The following CSMD1 variants were observed in gnomAD, a reference collection of about 807,000 sequenced individuals.
The protein encoded by CSMD1 is CUB and sushi domain-containing protein 1.
In CSMD1, 213 loss-of-function variants were observed where a neutral mutation model predicts 417.5. That is an observed-to-expected ratio of 0.51 (90% CI 0.46 to 0.57). The LOEUF (loss-of-function observed/expected upper bound fraction) is 0.57, where lower values mean the gene tolerates loss of function less well. Ranked by LOEUF, CSMD1 falls within the 20% of genes least tolerant of loss-of-function variation. The pLI is 0.00. For missense variants in CSMD1, 6,923 were observed against 4,529.7 expected, an observed-to-expected ratio of 1.53 and a Z score of -15.17; for synonymous variants, 2,862 against 1,736.8, an observed-to-expected ratio of 1.65 and a Z score of -16.11.
chr8:4,182,236 G>C (rs1164045847), intron 3 of CSMD1, among the ~76,000 whole-genome samples: 1 of 151,896 alleles, frequency 6.6e-6, no homozygotes, highest in African/African-American at 2.4e-5. Context: ...TGATACATAA[G>C]AAAAAAACGG....
chr8:3,893,828 C>A (rs1584924105), intron 5 of CSMD1, among the ~76,000 whole-genome samples: 1 of 152,088 alleles, frequency 6.6e-6, no homozygotes, highest in Non-Finnish European at 1.5e-5. Flanking sequence ...TTACCTGTTG[C>A]CAGACTGACC....
In CSMD1 at chr8:3,214,478, T is replaced by C; in HGVS notation, c.4867+19A>G. ...AAAGGAAAGTTGTATTTCTAGAAAA[T>C]ACCCAAGCGTGCACTCACCATTGCA... is the stretch of plus-strand genomic sequence containing the variant. On this transcript the variant is annotated intron_variant, in intron 30 of 69. Transcript: ENST00000635120. 2 of 1,512,658 alleles carry C rather than the reference T, an allele frequency of 1.3e-6. No individual in the cohort carries two copies. The highest frequency in any genetic ancestry group is 8.8e-7 in the Non-Finnish European group (1 of 1,130,552). 93.7% of individuals were successfully genotyped at this position (1,512,658 alleles called of 1,614,324 possible).
intron 5 of CSMD1, among the ~76,000 whole-genome samples, chr8:3,920,892 T>G (rs988071662): frequency 6.6e-6 from 1 of 152,126 alleles, no homozygotes; most frequent in African/African-American, 2.4e-5. Flanking sequence ...TGTTGAGAAT[T>G]TTTGCATCTA....
At chr8:3,326,985 T>A (rs1339438521) in intron 23 of CSMD1, among the ~76,000 whole-genome samples, 1 of 151,320 alleles carries the variant, frequency 6.6e-6, no homozygotes, top group Non-Finnish European at 1.5e-5. Context: ...AAGACCTGCC[T>A]GGGCAATAGA....
intron 3 of CSMD1, among the ~76,000 whole-genome samples, chr8:4,368,248 A>C (rs1452128621): frequency 1.3e-5 from 2 of 152,078 alleles, no homozygotes; most frequent in Non-Finnish European, 2.9e-5. Context: ...TACTGAGATG[A>C]TCTTGTGGCT....
chr8:4,066,681 C>G (rs901624645), intron 3 of CSMD1, among the ~76,000 whole-genome samples: 1 of 152,158 alleles, frequency 6.6e-6, no homozygotes, highest in Non-Finnish European at 1.5e-5. Context: ...CATTTCTATT[C>G]TATCCAACCT....
At chr8:4,368,129 T>C (rs183109097) in intron 3 of CSMD1, among the ~76,000 whole-genome samples, 12 of 152,264 alleles carry the variant, frequency 7.9e-5, no homozygotes, top group African/African-American at 2.9e-4. Context: ...TCATTCAGTA[T>C]GGTGTTCATA....
intron 3 of CSMD1, among the ~76,000 whole-genome samples, chr8:4,415,961 C>T (rs1323382429): frequency 6.6e-6 from 1 of 152,064 alleles, no homozygotes; most frequent in Admixed American, 6.6e-5. Flanking sequence ...CATGGGATCT[C>T]GGGAAACTAA....
At chr8:3,782,958 A>G (rs1799259905) in intron 5 of CSMD1, among the ~76,000 whole-genome samples, 1 of 152,190 alleles carries the variant, frequency 6.6e-6, no homozygotes, top group South Asian at 2.1e-4. Context: ...TCTAAACCAA[A>G]TTGTAGGTAC....
At chr8:4,140,618 T>G (rs999320351) in intron 3 of CSMD1, among the ~76,000 whole-genome samples, 1 of 150,890 alleles carries the variant, frequency 6.6e-6, no homozygotes, top group Non-Finnish European at 1.5e-5. Flanking sequence ...CAGTGAGCCA[T>G]GATTGCGCCA....
chr8:3,774,511 T>C (rs1428344954), intron 5 of CSMD1, among the ~76,000 whole-genome samples: 2 of 152,136 alleles, frequency 1.3e-5, no homozygotes, highest in African/African-American at 4.8e-5. Context: ...AATAGAAAGA[T>C]GCTGAATACA....
chr8:3,413,495 G>A (rs534928415), intron 12 of CSMD1, among the ~76,000 whole-genome samples: 1 of 152,188 alleles, frequency 6.6e-6, no homozygotes, highest in African/African-American at 2.4e-5. Context: ...GGGTTGACAA[G>A]TAACTGTCAA....
chr8:4,394,385 G>T (rs1055020827), intron 3 of CSMD1, among the ~76,000 whole-genome samples: 1 of 152,126 alleles, frequency 6.6e-6, no homozygotes, highest in African/African-American at 2.4e-5. Flanking sequence ...AGCTCCACTA[G>T]AAATGGTTTT....
intron 5 of CSMD1, among the ~76,000 whole-genome samples, chr8:3,867,101 G>C (rs140096725): frequency 2.0e-5 from 3 of 152,054 alleles, no homozygotes; most frequent in African/African-American, 4.8e-5. Flanking sequence ...TAACCATTTT[G>C]ATTGATTGAT....
At chr8:4,058,933 C>T (rs1798833610) in intron 3 of CSMD1, among the ~76,000 whole-genome samples, 1 of 151,966 alleles carries the variant, frequency 6.6e-6, no homozygotes, top group South Asian at 2.1e-4. Flanking sequence ...AGCTCTGCAC[C>T]AAGCGGGCCT....
intron 23 of CSMD1, among the ~76,000 whole-genome samples, chr8:3,323,735 G>T (rs984666989): frequency 5.3e-5 from 8 of 150,854 alleles, no homozygotes; most frequent in Non-Finnish European, 1.2e-4. Context: ...AGAGACCCAG[G>T]AGGGAATTTC....
chr8:4,502,828 G>C (rs1802326299), intron 2 of CSMD1, among the ~76,000 whole-genome samples: 1 of 152,080 alleles, frequency 6.6e-6, no homozygotes, highest in Admixed American at 6.6e-5. Flanking sequence ...GTGTATGACG[G>C]TGTGCTGCCC....
At chr8:4,970,223 A>T (rs925866553) in intron 1 of CSMD1, among the ~76,000 whole-genome samples, 3 of 152,104 alleles carry the variant, frequency 2.0e-5, no homozygotes, top group Non-Finnish European at 4.4e-5. Context: ...TTACTCTGCC[A>T]TTCATTCACT....
intron 3 of CSMD1, among the ~76,000 whole-genome samples, chr8:4,412,241 G>A (rs968307328): frequency 3.3e-5 from 5 of 152,100 alleles, no homozygotes; most frequent in South Asian, 2.1e-4. Context: ...CTGGTAGGAG[G>A]TGACTAGATC....
Sources: gnomAD v4.1 joint callset for allele counts (sites outside exome capture counted in the v4.1 genomes callset) on GRCh38, gnomAD v4.1.1 for gene constraint, MANE v1.5 for transcripts, NCBI Gene and HGNC (gene_info 2026-07-23, HGNC 2026-07-21) for gene names.